NRXN3: variants seen among roughly 807,000 people sequenced by gnomAD.
NRXN3 encodes the protein neurexin 3.
In NRXN3, 32 loss-of-function variants were observed where a neutral mutation model predicts 137.6. The ratio of observed to expected loss-of-function variants is 0.23; its 90% CI spans 0.18 to 0.31. The LOEUF (loss-of-function observed/expected upper bound fraction) is 0.31. Ranked by LOEUF, NRXN3 falls within the 10% of genes least tolerant of loss-of-function variation. NRXN3 has a pLI of 1.00. For synonymous variants in NRXN3, 798 were observed against 784.5 expected (o/e 1.02, Z -0.29); for missense variants, 1,574 against 2,062.5 (o/e 0.76, Z 4.59).
At chr14:79,829,762 G>A (rs1193779032) in intron 20 of NRXN3, among the ~76,000 whole-genome samples, 1 of 152,052 alleles carries the variant, frequency 6.6e-6, no homozygotes, top group African/African-American at 2.4e-5. Context: ...CTGAGTTATG[G>A]TAACAACATC....
chr14:78,448,014 A>G (rs1451119686), intron 4 of NRXN3, among the ~76,000 whole-genome samples: 1 of 152,118 alleles, frequency 6.6e-6, no homozygotes, highest in African/African-American at 2.4e-5. Flanking sequence ...TGTGTGTTCT[A>G]TTCTTTTTAC....
intron 15 of NRXN3, among the ~76,000 whole-genome samples, chr14:79,214,206 G>C (rs906779667): frequency 6.6e-6 from 1 of 152,214 alleles, no homozygotes; most frequent in Non-Finnish European, 1.5e-5. Context: ...AATATATAGA[G>C]AGAAGGTGGC....
At chr14:78,745,379 C>T (rs12588833) in intron 8 of NRXN3, 3 of 152,360 alleles carry the variant, frequency 2.0e-5, no homozygotes, top group Admixed American at 6.5e-5. Flanking sequence ...TCACTCACCC[C>T]TCATCTTCCA....
At chr14:79,380,532 C>CT (rs908306902) in intron 15 of NRXN3, among the ~76,000 whole-genome samples, 4 of 151,666 alleles carry the variant, frequency 2.6e-5, no homozygotes, top group Admixed American at 6.6e-5. Flanking sequence ...TGAACTCATC[C>CT]TTTTTTATGG....
At chr14:78,838,094 T>C (rs1404884067) in intron 10 of NRXN3, among the ~76,000 whole-genome samples, 1 of 152,218 alleles carries the variant, frequency 6.6e-6, no homozygotes, top group African/African-American at 2.4e-5. Context: ...AATAGTATAA[T>C]CTTCTTTGCC....
chr14:78,203,034 GCT>G (rs1273445218), intron 1 of NRXN3, among the ~76,000 whole-genome samples: 1 of 152,178 alleles, frequency 6.6e-6, no homozygotes, highest in African/African-American at 2.4e-5. Flanking sequence ...GGGCTTGTTG[GCT>G]CTTTCAATAC....
At chr14:79,224,980 C>T (rs1203345962) in intron 15 of NRXN3, among the ~76,000 whole-genome samples, 1 of 152,116 alleles carries the variant, frequency 6.6e-6, no homozygotes, top group Admixed American at 6.6e-5. Flanking sequence ...TTTGTTACAG[C>T]CGCCCTAGGA....
intron 4 of NRXN3, among the ~76,000 whole-genome samples, chr14:78,586,867 G>C (rs1338110952): frequency 6.6e-6 from 1 of 152,202 alleles, no homozygotes; most frequent in Admixed American, 6.5e-5. Context: ...TTGTGTATCA[G>C]GATTTTATAG....
intron 4 of NRXN3, among the ~76,000 whole-genome samples, chr14:78,600,035 C>T (rs1020768999): frequency 1.3e-5 from 2 of 152,176 alleles, no homozygotes; most frequent in Non-Finnish European, 2.9e-5. Context: ...CTGGGTTCAG[C>T]CACGTGTCCC....
At chr14:79,565,293 A>ATGTGTATATACATATACACACACATGTG (rs1567520191) in intron 16 of NRXN3, among the ~76,000 whole-genome samples, 13 of 130,122 alleles carry the variant, frequency 1.0e-4, no homozygotes, top group Non-Finnish European at 1.3e-4. Flanking sequence ...ATACGCACAC[A>ATGTGTATATACATATACACACACATGTG]TGTGTATATA....
chr14:79,576,052 G>C (rs1479257315), intron 16 of NRXN3, among the ~76,000 whole-genome samples: 2 of 152,246 alleles, frequency 1.3e-5, no homozygotes, highest in East Asian at 1.9e-4. Context: ...TGATTTCAAG[G>C]GGTGTGCAAA....
chr14:78,266,254 A>G (rs1473671), intron 2 of NRXN3, among the ~76,000 whole-genome samples: 137,321 of 152,192 alleles, frequency 0.9, 62,154 homozygotes, highest in Middle Eastern at 0.98. Flanking sequence ...ATGTGAAATC[A>G]AAATGCTTTT....
At chr14:78,716,826 T>C (rs914221257) in intron 8 of NRXN3, among the ~76,000 whole-genome samples, 4 of 152,192 alleles carry the variant, frequency 2.6e-5, no homozygotes, top group Non-Finnish European at 5.9e-5. Flanking sequence ...AGAGCTTTCT[T>C]GGAGCATATG....
At chr14:79,587,185 A>G (rs1441889328) in intron 16 of NRXN3, among the ~76,000 whole-genome samples, 1 of 152,244 alleles carries the variant, frequency 6.6e-6, no homozygotes, top group African/African-American at 2.4e-5. Flanking sequence ...TAAACTGCAT[A>G]TAGAATGCTT....
At chr14:78,390,809 C>G (rs969430437) in intron 4 of NRXN3, among the ~76,000 whole-genome samples, 2 of 152,074 alleles carry the variant, frequency 1.3e-5, no homozygotes, top group African/African-American at 4.8e-5. Context: ...TTCCACGATA[C>G]ATGTGCAGGA....
rs145038331 is a variant in NRXN3, at chr14:79,792,176, C to T, written c.4015-12936C>T. Among the ~76,000 whole-genome samples the T allele has an allele frequency of 5.7e-3, 860 of 152,012 alleles. 6 individuals carry two copies. The highest frequency in any genetic ancestry group is 0.019 in the African/African-American group (791 of 41,458). On this transcript the variant is annotated intron_variant, in intron 19 of 20. Coordinates refer to ENST00000335750, the MANE Select transcript of NRXN3 (RefSeq NM_001330195.2). ...AGATATACGTTAAACTCTTTTTCAG[C>T]ACCTCTCAAAACAGAAAAAAAAAGC...
At chr14:79,448,248 T>C (rs1459300722) in intron 15 of NRXN3, among the ~76,000 whole-genome samples, 2 of 152,176 alleles carry the variant, frequency 1.3e-5, no homozygotes, top group African/African-American at 2.4e-5. Flanking sequence ...TGGGGCATTC[T>C]CCCTCTCTGC....
intron 10 of NRXN3, among the ~76,000 whole-genome samples, chr14:78,864,701 G>C (rs1361773987): frequency 6.6e-6 from 1 of 152,128 alleles, no homozygotes; most frequent in Non-Finnish European, 1.5e-5. Context: ...TTGAAGGGAA[G>C]ACCCAAAGAA....
At chr14:79,404,718 C>T (rs140589644) in intron 15 of NRXN3, among the ~76,000 whole-genome samples, 116 of 152,142 alleles carry the variant, frequency 7.6e-4, no homozygotes, top group African/African-American at 2.5e-3. Context: ...CATAGGGTGG[C>T]GACAGAACAA....
Sources: allele counts gnomAD v4.1 joint callset (sites outside exome capture counted in the v4.1 genomes callset), GRCh38; gene constraint gnomAD v4.1.1; transcripts MANE v1.5; gene names NCBI Gene and HGNC (gene_info 2026-07-23, HGNC 2026-07-21).